Variants in CTBP1 observed in about 807,000 individuals in gnomAD.
The protein encoded by CTBP1 is C-terminal binding protein 1, also known as C-terminal-binding protein 1.
CTBP1 carries 11 observed loss-of-function variants against 42.1 expected under a neutral mutation model. The observed-to-expected ratio is 0.26, with a 90% CI of 0.16 to 0.43. CTBP1 has a LOEUF of 0.43. CTBP1 is among the 20% of genes least tolerant of loss of function. The probability of loss-of-function intolerance (pLI) is 1.00; values close to 1 mark genes in which losing one functional copy is unlikely to be tolerated. For missense variants in CTBP1, 399 were observed against 624.3 expected (o/e 0.64, Z 3.85); for synonymous variants, 324 against 277.1 (o/e 1.17, Z -1.68).
chr4:1,213,471 C>G lies in CTBP1; in HGVS notation c.988+7G>C. The G allele has an allele frequency of 6.2e-7, 1 of 1,609,508 alleles. No individual in the cohort carries two copies. Among genetic ancestry groups the G allele is most frequent in the Non-Finnish European group, 8.5e-7 (1 of 1,179,814 alleles). ...CCCAGGCCTGACCGAGCGGCCCCCACGCCCACCTGTGATGGCTCTGCGGAT... is the reference window on the plus strand; with the variant it reads ...CCCAGGCCTGACCGAGCGGCCCCCAGGCCCACCTGTGATGGCTCTGCGGAT... On this transcript the variant is annotated splice_region_variant and intron_variant, in intron 8 of 9. Transcript: ENST00000382952.
chr4:1,223,461 G>A (rs754352909), intron 5 of CTBP1: 86 of 456,096 alleles, frequency 1.9e-4, no homozygotes, highest in South Asian at 1.2e-3. Flanking sequence ...CGAAACGTCC[G>A]ATTCCCCAAA....
chr4:1,245,702 C>T (rs987395571), intron 1 of CTBP1: 21 of 979,826 alleles, frequency 2.1e-5, no homozygotes, highest in South Asian at 1.9e-4. Context: ...GTGGCACGGG[C>T]GGGCAGGATG....
At chr4:1,243,292 C>T (rs972107342) in intron 1 of CTBP1, 1 of 985,418 alleles carries the variant, frequency 1.0e-6, no homozygotes, top group Non-Finnish European at 1.2e-6. Flanking sequence ...GCCACCCTGG[C>T]CCTCCTGAAA....
At position 1,215,957 on chromosome 4, in the gene CTBP1, A is replaced by G. The variant is rs1400223713; in HGVS notation, c.729+34T>C. 3 of 1,577,268 alleles carry G rather than the reference A, an allele frequency of 1.9e-6. No individual in the cohort carries two copies. In the African/African-American group the frequency reaches 4.0e-5, roughly 21 times the overall value. On this transcript the variant is annotated intron_variant, in intron 6 of 9. Transcript: ENST00000382952. ...ACACCCCCACCTGTACCTGCCCCGC[A>G]GAAGTAGAGTCCTGTGTCCCCGGCT...
intron 1 of CTBP1, 176 bp from the exon 2 acceptor site, chr4:1,241,695 C>A: frequency 8.0e-7 from 1 of 1,249,626 alleles, no homozygotes; most frequent in Middle Eastern, 3.4e-4. Context: ...CGGCTCCTGC[C>A]GCACACACGA....
rs1432546125 is a variant in CTBP1 at position 1,233,136 on chromosome 4, C to T, written c.163-4793G>A. On this transcript the variant is annotated intron_variant, in intron 3 of 9. Coordinates refer to ENST00000382952, the MANE Select transcript of CTBP1 (RefSeq NM_001012614.2). This position sits in a 1 kb window ranked among gnomAD's most constrained non-coding sequence, Gnocchi z 4.6. ...GTCTCTGTCCTCTTGGTCCTAGAAG[C>T]GACTGTGACCCGGTATTAAGGTCAG... is the stretch of plus-strand genomic sequence containing the variant. 1.3e-5 allele frequency: 2 copies of T among 152,242 alleles called. No individual in the cohort carries two copies. The highest frequency in any genetic ancestry group is 2.4e-5 in the African/African-American group (1 of 41,452). The allele number at this position is 152,242 out of a possible 1,614,324, so 9.4% of individuals were successfully genotyped here.
chr4:1,212,156 A>T lies in CTBP1; in HGVS notation c.*84T>A. ...CAGTCTCTGCAGTGCCAGGGCCACC[A>T]CACAGATGCCTCCTCCACACACTCT... On this transcript the variant is annotated 3_prime_UTR_variant, in exon 10 of 10. Coordinates refer to ENST00000382952, the MANE Select transcript of CTBP1 (RefSeq NM_001012614.2). 1 of 1,220,490 alleles carries T rather than the reference A, an allele frequency of 8.2e-7. No individual in the cohort carries two copies. Among genetic ancestry groups the T allele is most frequent in the Non-Finnish European group, 1.1e-6 (1 of 923,252 alleles). The allele number at this position is 1,220,490 out of a possible 1,614,324, so 75.6% of individuals were successfully genotyped here.
At chr4:1,217,199 G>A (rs1455890644) in intron 5 of CTBP1, 1 of 152,310 alleles carries the variant, frequency 6.6e-6, no homozygotes, top group Non-Finnish European at 1.5e-5. Flanking sequence ...AAACGCCCAG[G>A]GGACCCCCAG....
rs1379254610 is a variant in CTBP1 at position 1,213,622 on chromosome 4, C to A, written c.861-17G>T. 6.2e-7 allele frequency: 1 copy of A among 1,611,564 alleles called. No individual in the cohort carries two copies. The highest frequency in any genetic ancestry group is 8.5e-7 in the Non-Finnish European group (1 of 1,179,486). On this transcript the variant is annotated splice_polypyrimidine_tract_variant and intron_variant, in intron 7 of 9. Transcript: ENST00000382952. The stretch of plus-strand genomic sequence containing the variant: ...TGGCTAAAGCTGGGAACAGCACAGG[C>A]ATGGTCAGTGCAGCCTGAGTGCTGT...
intron 1 of CTBP1, among the ~76,000 whole-genome samples, chr4:1,248,029 C>T (rs576458307): frequency 1.6e-4 from 24 of 152,344 alleles, no homozygotes; most frequent in Admixed American, 1.5e-3. Context: ...AGTCTCGGCC[C>T]GGGGCTCAGG....
At position 1,238,459 on chromosome 4, in the gene CTBP1, A is replaced by T. The variant is rs778071858; in HGVS notation, c.8-122T>A. 3.5e-6 allele frequency: 4 copies of T among 1,146,448 alleles called. No individual in the cohort carries two copies. Among genetic ancestry groups the T allele is most frequent in the Non-Finnish European group, 4.8e-6 (4 of 839,812 alleles). The allele number at this position is 1,146,448 out of a possible 1,614,324, so 71.0% of individuals were successfully genotyped here. On this transcript the variant is annotated intron_variant, in intron 2 of 9. Coordinates refer to ENST00000382952, the MANE Select transcript of CTBP1 (RefSeq NM_001012614.2). This position sits in a 1 kb window ranked among gnomAD's most constrained non-coding sequence, Gnocchi z 5.9. Reference sequence around the variant, plus strand: ...GACCGCCGGGGGTTTTCTGGTCTATATGTTGTGATATTTGTAAAAAGTAAA... The same window carrying T: ...GACCGCCGGGGGTTTTCTGGTCTATTTGTTGTGATATTTGTAAAAAGTAAA...
rs561601643 is a variant in CTBP1 at position 1,221,136 on chromosome 4, G to C, written c.514+4224C>G. On this transcript the variant is annotated intron_variant, in intron 5 of 9. Coordinates refer to ENST00000382952, the MANE Select transcript of CTBP1 (RefSeq NM_001012614.2). ...CAAGAACCTGACGCAGACCACGTGA[G>C]GGCTTCGTAACCAACACGAAAAAGA... Among the ~76,000 whole-genome samples, 10 of 152,370 alleles carry C rather than the reference G, an allele frequency of 6.6e-5. No individual in the cohort carries two copies. The East Asian group carries it at 1.7e-3, about 26-fold the overall frequency.
chr4:1,239,629 G>A (rs924256658), intron 2 of CTBP1, among the ~76,000 whole-genome samples: 4 of 152,226 alleles, frequency 2.6e-5, no homozygotes, highest in African/African-American at 9.6e-5. Flanking sequence ...ACAGCCCAGG[G>A]GTGCAGTGGG....
chr4:1,242,284 C>T (rs1732258178), intron 1 of CTBP1: 1 of 985,380 alleles, frequency 1.0e-6, no homozygotes, highest in Non-Finnish European at 1.2e-6. Flanking sequence ...ACTGAGCTGC[C>T]CACACCTGGC....
chr4:1,238,195 C>T lies in CTBP1; in HGVS notation c.150G>A (p.Glu50=), dbSNP rs1731778433. The T allele has an allele frequency of 1.9e-6, 3 of 1,613,010 alleles. No homozygotes were observed. The highest frequency in any genetic ancestry group is 2.5e-6 in the Non-Finnish European group (3 of 1,179,896). The change falls in exon 3 of 10, where the codon GAG becomes GAA. Residue 50 remains glutamate (E), a synonymous_variant. Transcript: ENST00000382952. The surrounding 1 kb of genome is among the most constrained non-coding windows in gnomAD (Gnocchi z 5.9). Reference sequence around the variant, plus strand: ...CACGTGGTGGTACCTTCTCATGGATCTCCTGCGTGGACTGCGCGTCGCAGA... The same window carrying T: ...CACGTGGTGGTACCTTCTCATGGATTTCCTGCGTGGACTGCGCGTCGCAGA... ...VAFCDAQSTQ[E]IHEKVLNEAV... is the part of the protein sequence containing the mutation.
chr4:1,246,430 C>A (rs1054031587), intron 1 of CTBP1, among the ~76,000 whole-genome samples: 3 of 152,234 alleles, frequency 2.0e-5, no homozygotes, highest in Admixed American at 1.3e-4. Flanking sequence ...CTCTCCAGCC[C>A]CCAGTGGAGT....
chr4:1,212,442 T>C lies in CTBP1; in HGVS notation c.1107-19A>G. 7.0e-7 allele frequency: 1 copy of C among 1,423,866 alleles called. No homozygotes were observed. Among genetic ancestry groups the C allele is most frequent in the East Asian group, 2.8e-5 (1 of 35,526 alleles). The allele number at this position is 1,423,866 out of a possible 1,614,324, so 88.2% of individuals were successfully genotyped here. A position where few individuals can be genotyped will look rare whatever the true frequency, so the allele number is the denominator to read the frequency against. ...AGGGTACCTGCTGGGAGAGGGTCCA[T>C]CCGTGAGGCCCACCTGTAGGCGGCC... On this transcript the variant is annotated intron_variant, in intron 9 of 9. Coordinates refer to ENST00000382952, the MANE Select transcript of CTBP1 (RefSeq NM_001012614.2).
chr4:1,212,761 G>T (rs1313516220), intron 9 of CTBP1, 152 bp downstream of exon 9: 50 of 686,554 alleles, frequency 7.3e-5, no homozygotes, highest in Non-Finnish European at 1.2e-4. Context: ...GGTTCTCATG[G>T]GCCTTTCAGG....
intron 3 of CTBP1, chr4:1,236,428 C>A (rs1466252149): frequency 1.8e-6 from 1 of 564,458 alleles, no homozygotes; most frequent in Non-Finnish European, 3.2e-6. Context: ...GCAACTGGGG[C>A]CGGGGGAAGC....
Sources: allele counts gnomAD v4.1 joint callset (sites outside exome capture counted in the v4.1 genomes callset), GRCh38; gene constraint gnomAD v4.1.1; non-coding constraint Gnocchi (gnomAD v3.1); transcripts MANE v1.5; gene names NCBI Gene and HGNC (gene_info 2026-07-23, HGNC 2026-07-21).